DAB1: variants seen among roughly 807,000 people sequenced by gnomAD.
DAB1 encodes disabled homolog 1.
DAB1 carries 15 observed loss-of-function variants against 64.6 expected under a neutral mutation model. That is an observed-to-expected ratio of 0.23 (90% confidence interval 0.16 to 0.36). The LOEUF is 0.36. Ranked by LOEUF, DAB1 falls within the 10% of genes least tolerant of loss-of-function variation. DAB1 has a pLI of 1.00. For missense variants in DAB1, 596 were observed against 706.7 expected, an observed-to-expected ratio of 0.84 and a Z score of 1.78; for synonymous variants, 235 against 251.9, an observed-to-expected ratio of 0.93 and a Z score of 0.64.
At chr1:58,078,083 C>A (rs980869182) in intron 5 of DAB1, 1 of 152,290 alleles carries the variant, frequency 6.6e-6, no homozygotes, top group African/African-American at 2.4e-5. Flanking sequence ...ACTCAGACAA[C>A]AGGAAACACC....
At chr1:57,782,487 T>C (rs142391154) in intron 6 of DAB1, among the ~76,000 whole-genome samples, 3 of 152,314 alleles carry the variant, frequency 2.0e-5, no homozygotes, top group African/African-American at 7.2e-5. Context: ...TATATGTTTG[T>C]GAAATTAAAT....
intron 4 of DAB1, among the ~76,000 whole-genome samples, chr1:58,192,942 C>T (rs1209381192): frequency 6.6e-6 from 1 of 152,084 alleles, no homozygotes; most frequent in Admixed American, 6.5e-5. Flanking sequence ...TGAATGTACA[C>T]TTAGAAATGA....
chr1:57,816,054 T>C (rs1259404898), intron 6 of DAB1, among the ~76,000 whole-genome samples: 1 of 152,234 alleles, frequency 6.6e-6, no homozygotes, highest in African/African-American at 2.4e-5. Flanking sequence ...TTCTCTGCTG[T>C]GTGCCAACGT....
intron 1 of DAB1, among the ~76,000 whole-genome samples, chr1:57,346,300 C>A (rs1322492138): frequency 1.3e-5 from 2 of 152,204 alleles, no homozygotes; most frequent in African/African-American, 4.8e-5. Context: ...CTTCGTAGGT[C>A]AGAGCTTACA....
rs796447106 is a variant in DAB1 at position 57,695,392 on chromosome 1, GA to G, written n.552-45728del. On this transcript the variant is annotated intron_variant and non_coding_transcript_variant, in intron 6 of 20. Transcript: ENST00000485760. ...AGAAAGAAAGAAAGAAAGAAAGAAA[GA>G]AAGAAAGAAAGAAAGAAAGAAAGAA... is the stretch of plus-strand genomic sequence containing the variant. Among the ~76,000 whole-genome samples, 345 of 79,616 alleles carry G rather than the reference GA, an allele frequency of 4.3e-3. 7 individuals carry two copies. The highest frequency in any genetic ancestry group is 0.015 in the Middle Eastern group (2 of 132). The allele number at this position is 79,616 out of a possible 152,430, so 52.2% of individuals were successfully genotyped here.
chr1:58,538,731 G>T, intron 1 of DAB1: 1 of 682,284 alleles, frequency 1.5e-6, no homozygotes, highest in South Asian at 2.3e-5. Context: ...AAGTTAATAC[G>T]TTAGCACAAA....
At chr1:58,144,632 C>A (rs531286451) in intron 5 of DAB1, among the ~76,000 whole-genome samples, 23 of 152,266 alleles carry the variant, frequency 1.5e-4, no homozygotes, top group South Asian at 1.0e-3. Context: ...AGTTGGTAAG[C>A]CATCAATCTA....
chr1:58,205,970 A>AT (rs541594147), intron 4 of DAB1, among the ~76,000 whole-genome samples: 11 of 151,492 alleles, frequency 7.3e-5, no homozygotes, highest in South Asian at 2.1e-4. Context: ...CCAGCTGAGT[A>AT]TTTTTTTTTA....
At chr1:57,838,257 AAGTT>A (rs1652899554) in intron 1 of DAB1, among the ~76,000 whole-genome samples, 2 of 152,204 alleles carry the variant, frequency 1.3e-5, no homozygotes, top group South Asian at 2.1e-4. Flanking sequence ...TGTTTTCAAA[AAGTT>A]AGGCTATTGA....
intron 5 of DAB1, among the ~76,000 whole-genome samples, chr1:57,912,504 T>C (rs1035370731): frequency 7.2e-5 from 11 of 152,032 alleles, no homozygotes; most frequent in Admixed American, 3.9e-4. Context: ...TGGGCAAAAA[T>C]TGGAAGCATT....
chr1:58,348,301 C>T (rs1258516052), intron 3 of DAB1, among the ~76,000 whole-genome samples: 1 of 152,140 alleles, frequency 6.6e-6, no homozygotes, highest in African/African-American at 2.4e-5. Flanking sequence ...GACTGAACTG[C>T]ATCCAAACTC....
At chr1:58,064,112 ACAGT>A (rs1219382176) in intron 5 of DAB1, among the ~76,000 whole-genome samples, 4 of 152,164 alleles carry the variant, frequency 2.6e-5, no homozygotes, top group Admixed American at 6.5e-5. Context: ...ATTTGGAGAA[ACAGT>A]CAGGAGCCAA....
At chr1:57,395,451 C>T (rs1682727388) in intron 1 of DAB1, among the ~76,000 whole-genome samples, 1 of 152,182 alleles carries the variant, frequency 6.6e-6, no homozygotes, top group African/African-American at 2.4e-5. Flanking sequence ...TGTCACATAT[C>T]ACGGGAAACG....
chr1:58,227,829 G>T (rs1659569850), intron 4 of DAB1, among the ~76,000 whole-genome samples: 1 of 152,166 alleles, frequency 6.6e-6, no homozygotes, highest in Non-Finnish European at 1.5e-5. Context: ...AGCAGCAAAT[G>T]TATAATGCTT....
intron 2 of DAB1, among the ~76,000 whole-genome samples, chr1:58,523,229 T>A (rs1646294819): frequency 6.6e-6 from 1 of 152,232 alleles, no homozygotes; most frequent in Non-Finnish European, 1.5e-5. Flanking sequence ...CCCACCTTTT[T>A]TGCCATATCC....
chr1:57,396,381 G>C (rs1377789939), intron 1 of DAB1, among the ~76,000 whole-genome samples: 1 of 152,044 alleles, frequency 6.6e-6, no homozygotes, highest in East Asian at 1.9e-4. Flanking sequence ...TTTTTGTTTT[G>C]TTTTGGTTAT....
chr1:57,017,418 C>T (rs998303011), intron 11 of DAB1, among the ~76,000 whole-genome samples: 1 of 152,182 alleles, frequency 6.6e-6, no homozygotes, highest in African/African-American at 2.4e-5. Context: ...AGTCATCTCA[C>T]TGACTCTTGT....
chr1:58,152,958 A>G (rs1012926924), intron 4 of DAB1, among the ~76,000 whole-genome samples: 3 of 152,222 alleles, frequency 2.0e-5, no homozygotes, highest in Admixed American at 6.5e-5. Flanking sequence ...TTTGTCTTCA[A>G]AGCTCCAAAT....
At chr1:57,611,556 G>C (rs1645726837) in intron 7 of DAB1, among the ~76,000 whole-genome samples, 1 of 152,096 alleles carries the variant, frequency 6.6e-6, no homozygotes, top group Non-Finnish European at 1.5e-5. Context: ...ATCTCATAGT[G>C]CCGTTTAGAT....
Sources: allele counts gnomAD v4.1 joint callset (sites outside exome capture counted in the v4.1 genomes callset), GRCh38; gene constraint gnomAD v4.1.1; transcripts MANE v1.5; gene names NCBI Gene and HGNC (gene_info 2026-07-23, HGNC 2026-07-21).